Variants in PCDHA12 observed in about 807,000 individuals in gnomAD.
PCDHA12 encodes the protein protocadherin alpha 12.
In PCDHA12, 44 loss-of-function variants were observed where a neutral mutation model predicts 60.0. The ratio of observed to expected loss-of-function variants is 0.73; its 90% CI spans 0.58 to 0.94. The LOEUF (loss-of-function observed/expected upper bound fraction) is 0.94, where lower values mean the gene tolerates loss of function less well. Among genes scored for constraint, PCDHA12 ranks in the 40% least tolerant of loss-of-function variants. The pLI is 0.00. For missense variants in PCDHA12, 1,276 were observed against 1,239.7 expected (o/e 1.03, Z -0.44); for synonymous variants, 569 against 553.0 (o/e 1.03, Z -0.40).
chr5:140,991,534 T>C (rs1393603513), intron 3 of PCDHA12, among the ~76,000 whole-genome samples: 1 of 152,236 alleles, frequency 6.6e-6, no homozygotes, highest in African/African-American at 2.4e-5. Context: ...CTTGCCACTA[T>C]ATAACAAGGA....
intron 3 of PCDHA12, among the ~76,000 whole-genome samples, chr5:141,002,136 G>C (rs2153972972): frequency 6.6e-6 from 1 of 152,374 alleles, no homozygotes; most frequent in East Asian, 1.9e-4. Flanking sequence ...GCCTTTGCCG[G>C]CTGCACTGAC....
At chr5:140,984,788 T>C (rs2097121100) in intron 3 of PCDHA12, among the ~76,000 whole-genome samples, 1 of 152,292 alleles carries the variant, frequency 6.6e-6, no homozygotes, top group Non-Finnish European at 1.5e-5. Context: ...TGGGTGAGCA[T>C]AGACAAACTG....
chr5:141,004,311 C>T (rs2098161581), intron 3 of PCDHA12, among the ~76,000 whole-genome samples: 1 of 152,210 alleles, frequency 6.6e-6, no homozygotes, highest in South Asian at 2.1e-4. Context: ...TTTTATACAA[C>T]AACCAGAACA....
chr5:140,998,442 T>G lies in PCDHA12; in HGVS notation c.2516-11185T>G, dbSNP rs368931467. On this transcript the variant is annotated intron_variant, in intron 3 of 3. Coordinates refer to ENST00000398631, the MANE Select transcript of PCDHA12 (RefSeq NM_018903.4). ...GGTTTATCCTTTAACACTATTATTGTATTTATTCATTTACTTGTCTTTTCC... is the reference window on the plus strand; with the variant it reads ...GGTTTATCCTTTAACACTATTATTGGATTTATTCATTTACTTGTCTTTTCC... 1.7e-4 allele frequency among the ~76,000 whole-genome samples: 26 copies of G among 152,352 alleles called. No individual in the cohort carries two copies. In the South Asian group the frequency reaches 5.2e-3, roughly 30 times the overall value.
At chr5:140,938,469 T>C (rs1172900934) in intron 1 of PCDHA12, among the ~76,000 whole-genome samples, 1 of 152,218 alleles carries the variant, frequency 6.6e-6, no homozygotes, top group South Asian at 2.1e-4. Flanking sequence ...TAATTTATTA[T>C]GTTTTTTAAA....
At chr5:140,892,144 G>A (rs549500463) in intron 1 of PCDHA12, among the ~76,000 whole-genome samples, 45 of 152,220 alleles carry the variant, frequency 3.0e-4, no homozygotes, top group African/African-American at 1.1e-3. Context: ...TGGTTTTAGC[G>A]TCTATTTCTG....
Position 140,877,851 on chromosome 5 carries a change from A to G in PCDHA12, c.2367+12A>G. 6.5e-7 allele frequency: 1 copy of G among 1,546,284 alleles called. No homozygotes were observed. Among genetic ancestry groups the G allele is most frequent in the South Asian group, 1.3e-5 (1 of 79,938 alleles). Reference sequence around the variant, plus strand: ...ATCCTCCCAGTGAAGTAAGTTATTAATATTATTTAGATATATTTGTTTCCT... The same window carrying G: ...ATCCTCCCAGTGAAGTAAGTTATTAGTATTATTTAGATATATTTGTTTCCT... On this transcript the variant is annotated intron_variant, in intron 1 of 3. Transcript: ENST00000398631.
chr5:140,926,757 A>T, intron 1 of PCDHA12: 1 of 1,278,278 alleles, frequency 7.8e-7, no homozygotes, highest in Non-Finnish European at 1.0e-6. Flanking sequence ...GCGGTCGCTG[A>T]GTATCCAGCC....
chr5:140,922,577 T>A (rs155818), intron 1 of PCDHA12, among the ~76,000 whole-genome samples: 2 of 152,016 alleles, frequency 1.3e-5, no homozygotes, highest in East Asian at 1.9e-4. Flanking sequence ...AGTTGCCCTG[T>A]AGCCGCCAGT....
chr5:140,981,981 A>G (rs2096960839), intron 2 of PCDHA12, among the ~76,000 whole-genome samples: 1 of 152,208 alleles, frequency 6.6e-6, no homozygotes, highest in Non-Finnish European at 1.5e-5. Flanking sequence ...GAAAGAGTAA[A>G]ATAGAAAATA....
intron 1 of PCDHA12, chr5:140,882,264 G>C: frequency 6.2e-7 from 1 of 1,609,300 alleles, no homozygotes; most frequent in Non-Finnish European, 8.5e-7. Context: ...TTTTTGGAGT[G>C]TACCATGCTG....
At chr5:140,995,647 A>G (rs1419237450) in intron 3 of PCDHA12, among the ~76,000 whole-genome samples, 2 of 152,202 alleles carry the variant, frequency 1.3e-5, no homozygotes, top group African/African-American at 4.8e-5. Context: ...TTAGAAAAGG[A>G]GAATCGAAAA....
At chr5:140,925,146 A>G (rs1467973124) in intron 1 of PCDHA12, among the ~76,000 whole-genome samples, 5 of 151,742 alleles carry the variant, frequency 3.3e-5, no homozygotes, top group Admixed American at 3.3e-4. Flanking sequence ...AACATACACA[A>G]AAGTTGAGAG....
chr5:140,972,623 T>C (rs1554234256), intron 1 of PCDHA12, among the ~76,000 whole-genome samples: 1 of 151,938 alleles, frequency 6.6e-6, no homozygotes, highest in African/African-American at 2.4e-5. Context: ...TGAATGTTGT[T>C]GGCACTCCCT....
At chr5:140,907,846 C>T (rs2073638181) in intron 1 of PCDHA12, among the ~76,000 whole-genome samples, 1 of 152,246 alleles carries the variant, frequency 6.6e-6, no homozygotes, top group Admixed American at 6.5e-5. Flanking sequence ...TTAAAATCCT[C>T]CTCTGCTGAG....
intron 1 of PCDHA12, chr5:140,968,527 G>T: frequency 3.1e-6 from 5 of 1,614,142 alleles, no homozygotes; most frequent in Non-Finnish European, 4.2e-6. Flanking sequence ...CAACCAACTC[G>T]TCAGCAGCCT....
intron 3 of PCDHA12, among the ~76,000 whole-genome samples, chr5:141,005,360 A>G (rs1215157808): frequency 6.6e-6 from 1 of 152,184 alleles, no homozygotes; most frequent in Non-Finnish European, 1.5e-5. Flanking sequence ...TAGGAATGTC[A>G]TAGAATGCCT....
intron 1 of PCDHA12, chr5:140,928,535 G>A (rs1554205968): frequency 2.5e-6 from 4 of 1,614,224 alleles, no homozygotes; most frequent in East Asian, 2.2e-5. Context: ...GTGGTAGATA[G>A]GAATGACAAT....
rs975637071 is a variant in PCDHA12 at position 141,011,970 on chromosome 5, C to A, written c.*2033C>A. On this transcript the variant is annotated 3_prime_UTR_variant, in exon 4 of 4. Transcript: ENST00000398631. ...AGCATTAAATTTAAAAAAAAACTGTCTTGTCTACTTTTAGCTTCATTCTCC... is the reference window on the plus strand; with the variant it reads ...AGCATTAAATTTAAAAAAAAACTGTATTGTCTACTTTTAGCTTCATTCTCC... 6.5e-6 allele frequency: 1 copy of A among 153,576 alleles called. No individual in the cohort carries two copies. The highest frequency in any genetic ancestry group is 6.6e-5 in the Admixed American group (1 of 15,252). The allele number at this position is 153,576 out of a possible 1,614,324, so 9.5% of individuals were successfully genotyped here. A position where few individuals can be genotyped will look rare whatever the true frequency, so the allele number is the denominator to read the frequency against.
Sources: allele counts gnomAD v4.1 joint callset (sites outside exome capture counted in the v4.1 genomes callset), GRCh38; gene constraint gnomAD v4.1.1; transcripts MANE v1.5; gene names NCBI Gene and HGNC (gene_info 2026-07-23, HGNC 2026-07-21).